ARHGAP24: variants seen among roughly 807,000 people sequenced by gnomAD.
ARHGAP24 encodes the protein Rho GTPase activating protein 24.
In ARHGAP24, 50 loss-of-function variants were observed where a neutral mutation model predicts 76.4. That is an observed-to-expected ratio of 0.65 (90% CI 0.52 to 0.83). ARHGAP24 has a LOEUF of 0.83. ARHGAP24 is among the 40% of genes least tolerant of loss of function. The pLI is 0.00. For synonymous variants in ARHGAP24, 345 were observed against 323.3 expected (o/e 1.07, Z -0.72); for missense variants, 930 against 914.2 (o/e 1.02, Z -0.22).
At chr4:85,925,612 A>G (rs1197504752) in intron 4 of ARHGAP24, among the ~76,000 whole-genome samples, 1 of 152,196 alleles carries the variant, frequency 6.6e-6, no homozygotes, top group Non-Finnish European at 1.5e-5. Context: ...TAATTGTTCT[A>G]TTTTATTAGA....
At chr4:85,711,354 A>T (rs560256866) in intron 2 of ARHGAP24, among the ~76,000 whole-genome samples, 4 of 152,254 alleles carry the variant, frequency 2.6e-5, no homozygotes, top group Non-Finnish European at 4.4e-5. Context: ...ACAAACCCGG[A>T]CACGTACCCC....
intron 3 of ARHGAP24, among the ~76,000 whole-genome samples, chr4:85,868,704 C>G (rs2601870): frequency 0.21 from 31,927 of 152,002 alleles, 4,470 homozygotes; most frequent in Non-Finnish European, 0.32. Context: ...TCATGTAATA[C>G]TCATGTAATG....
At chr4:85,719,378 G>A (rs537771240) in intron 2 of ARHGAP24, among the ~76,000 whole-genome samples, 5 of 152,110 alleles carry the variant, frequency 3.3e-5, no homozygotes, top group Non-Finnish European at 7.4e-5. Flanking sequence ...TGTAAGGCAT[G>A]GGGGGAGAGG....
chr4:85,965,981 G>A (rs1367473259), intron 5 of ARHGAP24, among the ~76,000 whole-genome samples: 1 of 152,130 alleles, frequency 6.6e-6, no homozygotes, highest in Non-Finnish European at 1.5e-5. Context: ...ATAAAATACT[G>A]TAGACTGGTA....
At chr4:85,691,860 A>G (rs1400175500) in intron 2 of ARHGAP24, among the ~76,000 whole-genome samples, 1 of 152,116 alleles carries the variant, frequency 6.6e-6, no homozygotes, top group Non-Finnish European at 1.5e-5. Flanking sequence ...ATTTATATGT[A>G]AAGTTTTGAT....
intron 1 of ARHGAP24, among the ~76,000 whole-genome samples, chr4:85,495,225 T>G (rs1458057151): frequency 6.6e-6 from 1 of 152,128 alleles, no homozygotes; most frequent in African/African-American, 2.4e-5. Flanking sequence ...CTTCTTTCTT[T>G]CCTTGATTTG....
At chr4:85,735,109 T>C (rs1725556849) in intron 3 of ARHGAP24, among the ~76,000 whole-genome samples, 1 of 152,172 alleles carries the variant, frequency 6.6e-6, no homozygotes, top group African/African-American at 2.4e-5. Flanking sequence ...GTACTGTTTT[T>C]ATCTTGTTAT....
At chr4:85,988,917 A>G (rs556741685) in intron 8 of ARHGAP24, among the ~76,000 whole-genome samples, 2 of 151,752 alleles carry the variant, frequency 1.3e-5, no homozygotes, top group Non-Finnish European at 3.0e-5. Flanking sequence ...GAAAATTCAT[A>G]TAATTATGGA....
At chr4:85,897,840 G>A (rs185701777) in intron 3 of ARHGAP24, among the ~76,000 whole-genome samples, 1 of 152,054 alleles carries the variant, frequency 6.6e-6, no homozygotes, top group African/African-American at 2.4e-5. Context: ...AGATAAGTGA[G>A]GGAAAGAAGG....
chr4:85,973,834 T>TTTTTG (rs1553949321), intron 6 of ARHGAP24, among the ~76,000 whole-genome samples: 7 of 24,534 alleles, frequency 2.9e-4, no homozygotes, highest in African/African-American at 8.8e-4. Flanking sequence ...CTGCCTATTG[T>TTTTTG]TTTTTTTTTT....
At chr4:85,557,666 C>G (rs894191708) in intron 1 of ARHGAP24, among the ~76,000 whole-genome samples, 2 of 38,658 alleles carry the variant, frequency 5.2e-5, no homozygotes, top group Non-Finnish European at 2.4e-4. Flanking sequence ...CAACCCACCA[C>G]TCTTTATTCT....
At position 85,768,173 on chromosome 4, in the gene ARHGAP24, AG is replaced by A. The variant is rs757557946; in HGVS notation, c.268+46202del. Among the ~76,000 whole-genome samples the A allele has an allele frequency of 1.8e-4, 27 of 152,070 alleles. 1 individual carries two copies. The highest frequency in any genetic ancestry group is 6.6e-5 in the Admixed American group (1 of 15,248). ...AGCAATAAAAATAAAATAATTAAAA[AG>A]AAAGATGAGAGTGAATGAAAATAGC... On this transcript the variant is annotated intron_variant, in intron 3 of 9. Transcript: ENST00000395184.
chr4:85,669,755 A>ATAT (rs781589730), intron 2 of ARHGAP24, among the ~76,000 whole-genome samples: 4 of 149,112 alleles, frequency 2.7e-5, no homozygotes, highest in Non-Finnish European at 6.0e-5. Flanking sequence ...ATCTAATCAT[A>ATAT]TATTTAGTGG....
chr4:85,740,557 T>C (rs1486362047), intron 3 of ARHGAP24, among the ~76,000 whole-genome samples: 1 of 152,232 alleles, frequency 6.6e-6, no homozygotes, highest in Non-Finnish European at 1.5e-5. Context: ...GAGTTTTCTA[T>C]TCTGAATTTA....
chr4:85,542,720 T>C (rs1725752435), intron 1 of ARHGAP24, among the ~76,000 whole-genome samples: 1 of 152,202 alleles, frequency 6.6e-6, no homozygotes, highest in Non-Finnish European at 1.5e-5. Context: ...CTAGTTAAAT[T>C]TCTGACAATG....
chr4:85,868,741 A>C (rs1732352584), intron 3 of ARHGAP24, among the ~76,000 whole-genome samples: 1 of 152,138 alleles, frequency 6.6e-6, no homozygotes, highest in Non-Finnish European at 1.5e-5. Context: ...AACAGGGTGT[A>C]GTTATCTAAG....
Position 85,866,713 on chromosome 4 carries a change from C to T in ARHGAP24, c.269-56935C>T, listed in dbSNP as rs573545468. On this transcript the variant is annotated intron_variant, in intron 3 of 9. Coordinates refer to ENST00000395184, the MANE Select transcript of ARHGAP24 (RefSeq NM_001025616.3). ...GTCGGCAGATCTGTGAGGATCACAC[C>T]CACACCTCCCTTCCCCTGTGCCTTT... Among the ~76,000 whole-genome samples, 5 of 152,110 alleles carry T rather than the reference C, an allele frequency of 3.3e-5. No individual in the cohort carries two copies. In the East Asian group the frequency reaches 9.7e-4, roughly 29 times the overall value.
At chr4:85,495,223 T>C (rs1220679441) in intron 1 of ARHGAP24, among the ~76,000 whole-genome samples, 1 of 152,108 alleles carries the variant, frequency 6.6e-6, no homozygotes, top group Admixed American at 6.5e-5. Flanking sequence ...CACTTCTTTC[T>C]TTCCTTGATT....
intron 9 of ARHGAP24, among the ~76,000 whole-genome samples, chr4:85,996,441 C>A (rs868119167): frequency 6.6e-6 from 1 of 152,200 alleles, no homozygotes. Flanking sequence ...TGTTCTCAGT[C>A]CCAGTTTCAG....
Sources: gnomAD v4.1 joint callset for allele counts (sites outside exome capture counted in the v4.1 genomes callset) on GRCh38, gnomAD v4.1.1 for gene constraint, MANE v1.5 for transcripts, NCBI Gene and HGNC (gene_info 2026-07-23, HGNC 2026-07-21) for gene names.